The following CEP350 variants were observed in gnomAD, a reference collection of about 807,000 sequenced individuals.
CEP350 encodes the protein centrosomal protein 350.
A neutral mutation model predicts 331.8 loss-of-function variants in CEP350; 126 were observed. That is an observed-to-expected ratio of 0.38 (90% CI 0.33 to 0.44). The LOEUF is 0.44. Ranked by LOEUF, CEP350 falls within the 20% of genes least tolerant of loss-of-function variation. CEP350 has a pLI of 1.00. For missense variants in CEP350, 3,406 were observed against 3,634.6 expected, an observed-to-expected ratio of 0.94 and a Z score of 1.62; for synonymous variants, 1,200 against 1,259.5, an observed-to-expected ratio of 0.95 and a Z score of 1.00.
At position 180,044,119 on chromosome 1, in the gene CEP350, C is replaced by G. The variant is rs1656958417; in HGVS notation, c.4568C>G (p.Ser1523Cys). 1 of 1,564,746 alleles carries G rather than the reference C, an allele frequency of 6.4e-7. No homozygotes were observed. ...CTTGACTCAAAGCATCAGAAGTATT[C>G]TGCTTCATATGATAGTTATTCTGAG... ...GTLDSKHQKYSASYDSYSESS... is the reference protein window; with the variant it reads ...GTLDSKHQKYCASYDSYSESS... The change falls in exon 21 of 38, where the codon TCT (serine) becomes TGT (cysteine). Residue 1523 changes from serine to cysteine, a missense_variant. Coordinates refer to ENST00000367607, the MANE Select transcript of CEP350 (RefSeq NM_014810.5).
rs1660321526 is a variant in CEP350, at chr1:180,093,705, C to A, written c.7600C>A (p.Pro2534Thr). 8 of 1,613,778 alleles carry A rather than the reference C, an allele frequency of 5.0e-6. No individual in the cohort carries two copies. Among genetic ancestry groups the A allele is most frequent in the Non-Finnish European group, 6.8e-6 (8 of 1,179,804 alleles). ...GFWAGVELDK[P>T]EGNNNGTYDG... is the part of the protein sequence containing the mutation. ...TTGGGCCGGAGTGGAGTTAGATAAACCTGAAGGAAATAACAATGGAACATA... is the reference window on the plus strand; with the variant it reads ...TTGGGCCGGAGTGGAGTTAGATAAAACTGAAGGAAATAACAATGGAACATA... Residue 2534 changes from proline (P) to threonine (T), a missense_variant, in exon 34 of 38, where the codon CCT becomes ACT. Coordinates refer to ENST00000367607, the MANE Select transcript of CEP350 (RefSeq NM_014810.5).
In CEP350 at chr1:180,041,159, A is replaced by G. The variant is rs752191156; in HGVS notation, c.4132A>G (p.Arg1378Gly). 63 of 1,595,520 alleles carry G rather than the reference A, an allele frequency of 3.9e-5. No individual in the cohort carries two copies. The highest frequency in any genetic ancestry group is 4.7e-5 in the Non-Finnish European group (55 of 1,170,960). The change falls in exon 18 of 38, where the codon AGA becomes GGA. Residue 1378 changes from arginine (R) to glycine (G), a missense_variant. By Grantham distance (125) the Arg-to-Gly change is moderately radical (BLOSUM62 -2). Around this residue, in one of 5 missense-constraint regions of CEP350, gnomAD observed 1,857 missense variants for 1,909.2 expected, o/e 0.97. Coordinates refer to ENST00000367607, the MANE Select transcript of CEP350 (RefSeq NM_014810.5). ...GAAGGCACAACAGCAACGCCATGAAAGAGACTTGGCCCTCTTGAAACTAAA... is the reference window on the plus strand; with the variant it reads ...GAAGGCACAACAGCAACGCCATGAAGGAGACTTGGCCCTCTTGAAACTAAA... Reference protein sequence around the residue: ...IIKAQQQRHERDLALLKLKAE... With the variant: ...IIKAQQQRHEGDLALLKLKAE...
chr1:180,083,888 G>A (rs1659709063), intron 30 of CEP350, 130 bp from the exon 31 acceptor site: 1 of 484,126 alleles, frequency 2.1e-6, no homozygotes, highest in African/African-American at 2.0e-5. Flanking sequence ...TTCTTCCGAA[G>A]CTCATATTTT....
intron 15 of CEP350, among the ~76,000 whole-genome samples, chr1:180,031,891 G>A (rs1656046685): frequency 6.6e-6 from 1 of 152,038 alleles, no homozygotes; most frequent in East Asian, 1.9e-4. Context: ...GTTTTCACTG[G>A]GCTACCACAA....
rs1175110108 is a variant in CEP350 at position 180,114,143 on chromosome 1, A to T, written c.*2982A>T. 6.5e-6 allele frequency: 1 copy of T among 152,718 alleles called. No homozygotes were observed. The highest frequency in any genetic ancestry group is 2.1e-4 in the South Asian group (1 of 4,826). The allele number at this position is 152,718 out of a possible 1,614,324, so 9.5% of individuals were successfully genotyped here. A position where few individuals can be genotyped will look rare whatever the true frequency, so the allele number is the denominator to read the frequency against. On this transcript the variant is annotated 3_prime_UTR_variant, in exon 38 of 38. Coordinates refer to ENST00000367607, the MANE Select transcript of CEP350 (RefSeq NM_014810.5). Reference sequence around the variant, plus strand: ...TTTCAAAAGAGATTTCATTGCTCATAAGAGTGTTGTGGCCTATTGATAAAA... The same window carrying T: ...TTTCAAAAGAGATTTCATTGCTCATTAGAGTGTTGTGGCCTATTGATAAAA...
chr1:179,974,547 A>C (rs188841294), intron 1 of CEP350, among the ~76,000 whole-genome samples: 1 of 152,344 alleles, frequency 6.6e-6, no homozygotes, highest in Non-Finnish European at 1.5e-5. Flanking sequence ...TAACTCTATT[A>C]CAGCACTCAT....
rs547939173 is a variant in CEP350, at chr1:179,991,318, T to C, written c.235+697T>C. 2.2e-4 allele frequency among the ~76,000 whole-genome samples: 27 copies of C among 123,988 alleles called. No individual in the cohort carries two copies. In the East Asian group the frequency reaches 3.2e-3, roughly 15 times the overall value. 81.3% of individuals were successfully genotyped at this position (123,988 alleles called of 152,430 possible). A position where few individuals can be genotyped will look rare whatever the true frequency, so the allele number is the denominator to read the frequency against. On this transcript the variant is annotated intron_variant, in intron 4 of 37. Transcript: ENST00000367607. ...ATTCTGTGGTTTCTTTCTTTTCTTTTTTTTTTTTTTTTTTTTGAGACAGAG... is the reference window on the plus strand; with the variant it reads ...ATTCTGTGGTTTCTTTCTTTTCTTTCTTTTTTTTTTTTTTTTGAGACAGAG...
At chr1:179,964,747 GCTT>G (rs750543018) in intron 1 of CEP350, among the ~76,000 whole-genome samples, 8 of 150,250 alleles carry the variant, frequency 5.3e-5, no homozygotes, top group Non-Finnish European at 8.9e-5. Context: ...TTCTGATTAT[GCTT>G]CTTAGGATCT....
At chr1:180,098,839 C>T (rs536761760) in intron 36 of CEP350, 24 bp from the exon 37 acceptor site, 11 of 1,599,896 alleles carry the variant, frequency 6.9e-6, no homozygotes, top group South Asian at 2.2e-5. Flanking sequence ...GTTTGTGTTT[C>T]GTGTATTTGT....
chr1:180,086,631 C>T (rs1351588659), intron 31 of CEP350, among the ~76,000 whole-genome samples: 1 of 152,006 alleles, frequency 6.6e-6, no homozygotes, highest in Non-Finnish European at 1.5e-5. Flanking sequence ...ATGGACTGCA[C>T]TCATATATGT....
intron 37 of CEP350, among the ~76,000 whole-genome samples, chr1:180,105,300 C>G (rs1455849870): frequency 6.6e-6 from 1 of 152,014 alleles, no homozygotes; most frequent in South Asian, 2.1e-4. Flanking sequence ...CTCCTGGAAT[C>G]CGCCCACGGA....
chr1:180,099,870 C>T (rs1180056396), intron 37 of CEP350, among the ~76,000 whole-genome samples: 1 of 150,724 alleles, frequency 6.6e-6, no homozygotes, highest in African/African-American at 2.5e-5. Flanking sequence ...ACTGCAGCCT[C>T]TGCCTCCCAG....
chr1:180,037,536 C>T (rs1190136657), intron 17 of CEP350, among the ~76,000 whole-genome samples: 2 of 151,650 alleles, frequency 1.3e-5, no homozygotes, highest in Non-Finnish European at 2.9e-5. Flanking sequence ...ATGGTCTAAG[C>T]GCTCTTCCCT....
In CEP350 at chr1:180,004,873, G is replaced by GGCTTGCTT. The variant is rs142057657; in HGVS notation, c.1133-1552_1133-1545dup. On this transcript the variant is annotated intron_variant, in intron 7 of 37. Coordinates refer to ENST00000367607, the MANE Select transcript of CEP350 (RefSeq NM_014810.5). ...CAGAGCTTGGGCAGGCAGGCTGGCTGGCTTGCTTGCTTGCTTGCTTGCTTG... is the reference window on the plus strand; with the variant it reads ...CAGAGCTTGGGCAGGCAGGCTGGCTGGCTTGCTTGCTTGCTTGCTTGCTTGCTTGCTTG... 2.4e-3 allele frequency among the ~76,000 whole-genome samples: 242 copies of GGCTTGCTT among 100,590 alleles called. 14 individuals carry two copies. In the East Asian group the frequency reaches 0.044, roughly 18 times the overall value. 66.0% of individuals were successfully genotyped at this position (100,590 alleles called of 152,430 possible).
In CEP350 at chr1:180,020,672, T is replaced by C. The variant is rs74985758; in HGVS notation, c.2898T>C (p.Cys966=). The C allele has an allele frequency of 5.9e-4, 949 of 1,613,980 alleles. 4 individuals are homozygous for C. The African/African-American group carries it at 0.011, about 18-fold the overall frequency. Residue 966 remains cysteine (C), a synonymous_variant, in exon 12 of 38, where the codon TGT becomes TGC. Coordinates refer to ENST00000367607, the MANE Select transcript of CEP350 (RefSeq NM_014810.5). ...TDSSSSDMQA[C]SQDKAKISLG... ...CTTCTAGCTCTGATATGCAAGCCTG[T>C]TCTCAAGACAAAGCCAAAATATCTC...
chr1:180,019,280 TC>T (rs1655168623), intron 11 of CEP350, among the ~76,000 whole-genome samples: 1 of 152,236 alleles, frequency 6.6e-6, no homozygotes, highest in Admixed American at 6.5e-5. Context: ...GTTTAGGACA[TC>T]TTTATTCTGT....
chr1:180,108,256 C>T (rs766351586), intron 37 of CEP350, among the ~76,000 whole-genome samples: 16 of 152,096 alleles, frequency 1.1e-4, no homozygotes, highest in Admixed American at 3.9e-4. Context: ...TATATTTCTA[C>T]TGCAAGTGCA....
intron 37 of CEP350, among the ~76,000 whole-genome samples, chr1:180,110,782 A>C (rs745710588): frequency 6.6e-6 from 1 of 152,162 alleles, no homozygotes; most frequent in Non-Finnish European, 1.5e-5. Context: ...ATATTGTCAA[A>C]TGTTATTTTT....
At chr1:180,022,940 C>T (rs931541861) in intron 13 of CEP350, 92 bp downstream of exon 13, 58 of 1,240,158 alleles carry the variant, frequency 4.7e-5, no homozygotes, top group Non-Finnish European at 5.9e-5. Flanking sequence ...AAGTTTTGCT[C>T]ATTTAAAAAT....
Sources: allele counts gnomAD v4.1 joint callset (sites outside exome capture counted in the v4.1 genomes callset), GRCh38; gene constraint gnomAD v4.1.1; regional missense constraint gnomAD v4.1.1; transcripts MANE v1.5; gene names NCBI Gene and HGNC (gene_info 2026-07-23, HGNC 2026-07-21).